The following FLT1 variants were observed in gnomAD, a reference collection of about 807,000 sequenced individuals.
FLT1 encodes vascular endothelial growth factor receptor 1.
FLT1 carries 49 observed loss-of-function variants against 156.3 expected under a neutral mutation model. That is an observed-to-expected ratio of 0.31 (90% CI 0.25 to 0.40). The LOEUF (loss-of-function observed/expected upper bound fraction) is 0.40, where lower values mean the gene tolerates loss of function less well. Ranked by LOEUF, FLT1 falls within the 10% of genes least tolerant of loss-of-function variation. The pLI is 1.00. For missense variants in FLT1, 1,322 were observed against 1,637.2 expected (o/e 0.81, Z 3.32); for synonymous variants, 594 against 583.8 (o/e 1.02, Z -0.25).
chr13:28,469,524 C>T (rs1292749972), intron 1 of FLT1, among the ~76,000 whole-genome samples: 4 of 152,284 alleles, frequency 2.6e-5, no homozygotes, highest in East Asian at 1.9e-4. Flanking sequence ...GGAAAGCCTA[C>T]GAGCCACCTC....
At chr13:28,334,529 C>A (rs1037147070) in intron 17 of FLT1, among the ~76,000 whole-genome samples, 5 of 152,086 alleles carry the variant, frequency 3.3e-5, no homozygotes, top group African/African-American at 1.2e-4. Flanking sequence ...AGTCATTTTT[C>A]TCTCATCTGT....
intron 3 of FLT1, among the ~76,000 whole-genome samples, chr13:28,448,587 G>A (rs542702532): frequency 6.6e-6 from 1 of 152,134 alleles, no homozygotes; most frequent in Non-Finnish European, 1.5e-5. Context: ...TAGATAAGTG[G>A]TTGTTTAGGG....
In FLT1 at chr13:28,337,746, A is replaced by G. The variant is rs546925488; in HGVS notation, c.2488+1422T>C. Among the ~76,000 whole-genome samples, 16 of 152,360 alleles carry G rather than the reference A, an allele frequency of 1.1e-4. No homozygotes were observed. In the East Asian group the frequency reaches 3.1e-3, roughly 29 times the overall value. The stretch of plus-strand genomic sequence containing the variant: ...GGGAATTCTGGTAGAAGGATTAGCA[A>G]TCTGTGATGTGGTGTGGATCACAAT... On this transcript the variant is annotated intron_variant, in intron 17 of 29. Transcript: ENST00000282397.
chr13:28,485,862 G>A (rs1332833958), intron 1 of FLT1, among the ~76,000 whole-genome samples: 1 of 152,196 alleles, frequency 6.6e-6, no homozygotes, highest in Non-Finnish European at 1.5e-5. Context: ...GAAGAGGGAG[G>A]CCCAGCACCA....
intron 10 of FLT1, among the ~76,000 whole-genome samples, chr13:28,407,404 T>C (rs1307015534): frequency 6.6e-6 from 1 of 152,166 alleles, no homozygotes; most frequent in Admixed American, 6.5e-5. Context: ...ATTTATTTAT[T>C]TTAAAATTTT....
At chr13:28,303,542 A>G (rs908135034) in intron 29 of FLT1, among the ~76,000 whole-genome samples, 174 bp from the exon 30 acceptor site, 5 of 141,452 alleles carry the variant, frequency 3.5e-5, no homozygotes, top group African/African-American at 1.3e-4. Flanking sequence ...AAAGCTGCAC[A>G]CGGCCTCCCT....
At chr13:28,329,136 G>A (rs1006477993) in intron 19 of FLT1, among the ~76,000 whole-genome samples, 1 of 152,160 alleles carries the variant, frequency 6.6e-6, no homozygotes, top group African/African-American at 2.4e-5. Flanking sequence ...CAACATGCTG[G>A]AGCTCTTAAT....
chr13:28,494,852 C>A lies in FLT1; in HGVS notation c.-9G>T. 1 of 1,545,106 alleles carries A rather than the reference C, an allele frequency of 6.5e-7. No homozygotes were observed. On this transcript the variant is annotated 5_prime_UTR_variant, in exon 1 of 30. Transcript: ENST00000282397. ...TCCCAGTAGCTGACCATGGTGAGCG[C>A]GACGCGGCCTGCTCGCCCGGTGCCC...
intron 5 of FLT1, 38 bp downstream of exon 5, chr13:28,434,020 A>C: frequency 1.2e-6 from 2 of 1,613,986 alleles, no homozygotes; most frequent in Non-Finnish European, 1.7e-6. Context: ...AATACAGAGC[A>C]CTTCGGCTTA....
At position 28,481,480 on chromosome 13, in the gene FLT1, CACAT is replaced by C. The variant is rs149445817; in HGVS notation, c.64+13296_64+13299del. 2.7e-3 allele frequency among the ~76,000 whole-genome samples: 403 copies of C among 148,838 alleles called. 7 individuals are homozygous for C. Among genetic ancestry groups the C allele is most frequent in the African/African-American group, 9.7e-3 (384 of 39,400 alleles). ...ACACACACACACACACACACACACA[CACAT>C]ACACGTACTTAGAAGGTGAACCAAT... On this transcript the variant is annotated intron_variant, in intron 1 of 29. Transcript: ENST00000282397.
chr13:28,360,370 A>G (rs1037639539), intron 14 of FLT1, among the ~76,000 whole-genome samples: 6 of 152,228 alleles, frequency 3.9e-5, no homozygotes, highest in African/African-American at 1.4e-4. Context: ...AAGGATGCTG[A>G]AGAGATGTCT....
chr13:28,399,837 A>G (rs549513098), intron 11 of FLT1, among the ~76,000 whole-genome samples: 2 of 152,316 alleles, frequency 1.3e-5, no homozygotes, highest in African/African-American at 4.8e-5. Context: ...GGGAGTTTAC[A>G]TTATTTCTTT....
At chr13:28,404,080 A>G (rs1216500111) in intron 11 of FLT1, among the ~76,000 whole-genome samples, 1 of 152,008 alleles carries the variant, frequency 6.6e-6, no homozygotes, top group Non-Finnish European at 1.5e-5. Context: ...GAAAGAACAA[A>G]TTAAACTTTC....
At chr13:28,413,355 C>G (rs11840253) in intron 10 of FLT1, among the ~76,000 whole-genome samples, 364 of 151,794 alleles carry the variant, frequency 2.4e-3, no homozygotes, top group African/African-American at 8.4e-3. Flanking sequence ...TGAGTGCCAG[C>G]AATCTCCCCG....
intron 1 of FLT1, among the ~76,000 whole-genome samples, chr13:28,486,943 G>A (rs1393667311): frequency 2.6e-5 from 4 of 152,192 alleles, no homozygotes. Context: ...AGGCACAACA[G>A]CATCCCCTGG....
intron 14 of FLT1, among the ~76,000 whole-genome samples, chr13:28,359,000 C>T (rs1022952968): frequency 6.6e-6 from 1 of 151,982 alleles, no homozygotes; most frequent in Non-Finnish European, 1.5e-5. Context: ...GTACTTGTTC[C>T]AGAATAGTGA....
intron 11 of FLT1, among the ~76,000 whole-genome samples, chr13:28,405,235 C>G (rs1435773323): frequency 1.3e-5 from 2 of 152,112 alleles, no homozygotes; most frequent in Non-Finnish European, 2.9e-5. Context: ...GTCAAGGAAT[C>G]TTGATAGATT....
intron 1 of FLT1, among the ~76,000 whole-genome samples, chr13:28,470,576 A>G (rs1161119448): frequency 2.0e-5 from 3 of 152,194 alleles, no homozygotes; most frequent in Admixed American, 6.5e-5. Context: ...TCCAGACCAC[A>G]TGAATCTTTC....
At chr13:28,479,429 G>A (rs928774761) in intron 1 of FLT1, among the ~76,000 whole-genome samples, 32 of 152,002 alleles carry the variant, frequency 2.1e-4, no homozygotes, top group African/African-American at 7.2e-4. Context: ...TTTATTCTGG[G>A]TTTTTCTAAT....
Sources: allele counts gnomAD v4.1 joint callset (sites outside exome capture counted in the v4.1 genomes callset), GRCh38; gene constraint gnomAD v4.1.1; transcripts MANE v1.5; gene names NCBI Gene and HGNC (gene_info 2026-07-23, HGNC 2026-07-21).